SPATA13: variants seen among roughly 807,000 people sequenced by gnomAD.
SPATA13 encodes spermatogenesis associated 13.
SPATA13 carries 50 observed loss-of-function variants against 104.0 expected under a neutral mutation model. The ratio of observed to expected loss-of-function variants is 0.48; its 90% CI spans 0.38 to 0.61. The LOEUF (loss-of-function observed/expected upper bound fraction) is 0.61. Ranked by LOEUF, SPATA13 falls within the 20% of genes least tolerant of loss-of-function variation. The pLI is 0.00. For missense variants in SPATA13, 1,524 were observed against 1,690.6 expected (o/e 0.90, Z 1.73); for synonymous variants, 606 against 667.5 (o/e 0.91, Z 1.42).
intron 3 of SPATA13, among the ~76,000 whole-genome samples, chr13:24,109,462 G>T (rs1276236195): frequency 6.6e-6 from 1 of 151,706 alleles, no homozygotes; most frequent in Non-Finnish European, 1.5e-5. Context: ...TAATTCTTTG[G>T]GTATATACCC....
At position 24,284,187 on chromosome 13, in the gene SPATA13, T is replaced by C. The variant is rs60974700; in HGVS notation, c.2217T>C (p.Ser739=). The C allele has an allele frequency of 6.2e-7, 1 of 1,613,892 alleles. No individual in the cohort carries two copies. Among genetic ancestry groups the C allele is most frequent in the African/African-American group, 1.3e-5 (1 of 75,036 alleles). ...CTGCCTTAGTGGATGACAACGGTAG[T>C]GAGGAGGACTTCAGCTATGAAGACC... ...EPSALVDDNG[S]EEDFSYEDLC... The change falls in exon 5 of 13, where the codon AGT becomes AGC. Residue 739 remains serine (S), a synonymous_variant. Coordinates refer to ENST00000382108, the MANE Select transcript of SPATA13 (RefSeq NM_001166271.3).
intron 3 of SPATA13, among the ~76,000 whole-genome samples, chr13:24,087,701 G>A (rs529925801): frequency 2.0e-5 from 3 of 152,272 alleles, no homozygotes; most frequent in African/African-American, 7.2e-5. Flanking sequence ...CGCTTCTCTA[G>A]GTCACAGAAG....
chr13:24,019,171 C>G (rs1292827561), intron 3 of SPATA13, among the ~76,000 whole-genome samples: 1 of 148,910 alleles, frequency 6.7e-6, no homozygotes, highest in African/African-American at 2.5e-5. Context: ...TCACTGTAAG[C>G]TCCGCCTCCC....
At chr13:23,985,456 T>C (rs1479614303) in intron 2 of SPATA13, among the ~76,000 whole-genome samples, 1 of 152,220 alleles carries the variant, frequency 6.6e-6, no homozygotes, top group Non-Finnish European at 1.5e-5. Context: ...GTCTCCTGCA[T>C]GTTCACATCA....
Position 24,198,517 on chromosome 13 carries a change from AG to A in SPATA13, c.-111-24300del, listed in dbSNP as rs1870216057. Reference sequence around the variant, plus strand: ...TTCAGACGCAGTTAATAAAATCCATAGGAATCTCCCACAGAGGCGTTGTTGA... The same window carrying A: ...TTCAGACGCAGTTAATAAAATCCATAGAATCTCCCACAGAGGCGTTGTTGA... On this transcript the variant is annotated intron_variant, in intron 1 of 12. Coordinates refer to ENST00000382108, the MANE Select transcript of SPATA13 (RefSeq NM_001166271.3). Among the ~76,000 whole-genome samples the A allele has an allele frequency of 2.6e-5, 4 of 152,346 alleles. No individual in the cohort carries two copies. In the South Asian group the frequency reaches 6.2e-4, roughly 24 times the overall value.
In SPATA13 at chr13:24,003,252, G is replaced by T. The variant is rs1236384702; in HGVS notation, c.-146-14415G>T. Among the ~76,000 whole-genome samples the T allele has an allele frequency of 2.6e-5, 4 of 152,302 alleles. No homozygotes were observed. The South Asian group carries it at 6.2e-4, about 24-fold the overall frequency. ...GCCTAGGCCAGATCACTCAGAGAAG[G>T]TGTTGGATTAAGCCATTTTGATGTT... is the stretch of plus-strand genomic sequence containing the variant. On this transcript the variant is annotated intron_variant, in intron 2 of 14. Coordinates refer to the SPATA13 transcript ENST00000424834.
intron 4 of SPATA13, among the ~76,000 whole-genome samples, chr13:24,275,891 G>GCCACAGC (rs1253496677): frequency 2.0e-5 from 3 of 152,188 alleles, no homozygotes; most frequent in Non-Finnish European, 4.4e-5. Context: ...CTGAGATCGC[G>GCCACAGC]CCACAGCACT....
intron 3 of SPATA13, among the ~76,000 whole-genome samples, chr13:24,129,237 C>T (rs1881319874): frequency 6.6e-6 from 1 of 152,182 alleles, no homozygotes. Context: ...TGCTGGGGGT[C>T]AGAGGAGCAG....
intron 1 of SPATA13, among the ~76,000 whole-genome samples, chr13:24,216,687 G>A (rs759283858): frequency 2.6e-5 from 4 of 152,218 alleles, no homozygotes; most frequent in Non-Finnish European, 5.9e-5. Flanking sequence ...GAAGGACGGT[G>A]TCTGGCATTA....
At chr13:24,001,527 A>C (rs1216957568) in intron 2 of SPATA13, among the ~76,000 whole-genome samples, 2 of 151,822 alleles carry the variant, frequency 1.3e-5, no homozygotes, top group Non-Finnish European at 2.9e-5. Context: ...GAAAGGCAGG[A>C]GGGTGGCCGG....
intron 3 of SPATA13, among the ~76,000 whole-genome samples, chr13:24,020,541 TATTTAACC>T (rs1176766189): frequency 6.6e-6 from 1 of 152,224 alleles, no homozygotes; most frequent in Non-Finnish European, 1.5e-5. Flanking sequence ...AAACGAATTG[TATTTAACC>T]TTTAACAGTC....
At chr13:24,135,016 C>T (rs184490641) in intron 3 of SPATA13, among the ~76,000 whole-genome samples, 5 of 152,178 alleles carry the variant, frequency 3.3e-5, no homozygotes, top group East Asian at 3.9e-4. Flanking sequence ...GATGCAGGGA[C>T]GAGATGGCCA....
chr13:24,190,001 A>T (rs1593398253), intron 1 of SPATA13, among the ~76,000 whole-genome samples: 1 of 81,626 alleles, frequency 1.2e-5, no homozygotes, highest in African/African-American at 5.8e-5. Flanking sequence ...ATAACATATA[A>T]TAATATATTA....
intron 1 of SPATA13, among the ~76,000 whole-genome samples, chr13:24,162,991 C>T (rs956917473): frequency 6.6e-6 from 1 of 152,232 alleles, no homozygotes; most frequent in Non-Finnish European, 1.5e-5. Flanking sequence ...GGAGAAAAAC[C>T]TAATGCCGGC....
chr13:24,193,917 A>G (rs1320317824), intron 1 of SPATA13, among the ~76,000 whole-genome samples: 1 of 152,194 alleles, frequency 6.6e-6, no homozygotes. Flanking sequence ...GGATTTTAAC[A>G]CATTGTGATG....
At chr13:24,165,311 C>T (rs945840811) in intron 1 of SPATA13, among the ~76,000 whole-genome samples, 1 of 152,166 alleles carries the variant, frequency 6.6e-6, no homozygotes, top group Non-Finnish European at 1.5e-5. Context: ...CCCTGAAGAC[C>T]CACCAGCATC....
chr13:24,293,814 G>A (rs1200562655), intron 9 of SPATA13, among the ~76,000 whole-genome samples: 1 of 152,178 alleles, frequency 6.6e-6, no homozygotes, highest in Admixed American at 6.5e-5. Flanking sequence ...CAGTGTCTGG[G>A]GACTTCACAG....
At position 24,279,160 on chromosome 13, in the gene SPATA13, T is replaced by C. The variant is rs148878550; in HGVS notation, c.2165-4975T>C. On this transcript the variant is annotated intron_variant, in intron 4 of 12. Coordinates refer to ENST00000382108, the MANE Select transcript of SPATA13 (RefSeq NM_001166271.3). Reference sequence around the variant, plus strand: ...GAGAAAACTAAACCAGGGGAGACAGTGGAGTGAGAGTGAGGGTTGTGGTTT... The same window carrying C: ...GAGAAAACTAAACCAGGGGAGACAGCGGAGTGAGAGTGAGGGTTGTGGTTT... 4.8e-3 allele frequency among the ~76,000 whole-genome samples: 734 copies of C among 151,824 alleles called. 8 individuals carry two copies. Among genetic ancestry groups the C allele is most frequent in the African/African-American group, 0.016 (663 of 41,386 alleles).
intron 3 of SPATA13, among the ~76,000 whole-genome samples, chr13:24,044,412 T>C (rs1878057036): frequency 1.3e-5 from 2 of 151,946 alleles, no homozygotes; most frequent in Admixed American, 6.6e-5. Context: ...TTTGTATTTT[T>C]AGTAGAGACG....
Sources: gnomAD v4.1 joint callset for allele counts (sites outside exome capture counted in the v4.1 genomes callset) on GRCh38, gnomAD v4.1.1 for gene constraint, MANE v1.5 for transcripts, NCBI Gene and HGNC (gene_info 2026-07-23, HGNC 2026-07-21) for gene names.